JADE1: variants seen among roughly 807,000 people sequenced by gnomAD.
JADE1 encodes protein Jade-1.
Under a neutral mutation model 81.8 loss-of-function variants are expected in JADE1, and 14 were observed. The observed-to-expected ratio is 0.17, with a 90% confidence interval of 0.11 to 0.27. JADE1 has a LOEUF of 0.27. Ranked by LOEUF, JADE1 falls within the 10% of genes least tolerant of loss-of-function variation. JADE1 has a pLI of 1.00. For missense variants in JADE1, 690 were observed against 1,047.9 expected (o/e 0.66, Z 4.71); for synonymous variants, 353 against 391.9 (o/e 0.90, Z 1.17).
chr4:128,845,176 C>T (rs1729762264), intron 3 of JADE1, among the ~76,000 whole-genome samples: 1 of 152,212 alleles, frequency 6.6e-6, no homozygotes, highest in South Asian at 2.1e-4. Flanking sequence ...AGCTGTGCAG[C>T]CCTGGCTGGG....
intron 9 of JADE1, among the ~76,000 whole-genome samples, chr4:128,865,770 G>A (rs1339812560): frequency 6.6e-6 from 1 of 152,142 alleles, no homozygotes; most frequent in Non-Finnish European, 1.5e-5. Flanking sequence ...TAGCAGCCAT[G>A]GTGTGGTCAA....
In JADE1 at chr4:128,872,050, C is replaced by T. The variant is rs1385296757; in HGVS notation, c.2317C>T (p.His773Tyr). The T allele has an allele frequency of 8.1e-6, 13 of 1,613,940 alleles. No individual in the cohort carries two copies. The highest frequency in any genetic ancestry group is 1.1e-5 in the Non-Finnish European group (13 of 1,179,992). ...GGCCCACGATGGGGCCTGCCACCAG[C>T]ACTCAGACTACCCATATTTGGGCTT... is the stretch of plus-strand genomic sequence containing the variant. ...GEAHDGACHQHSDYPYLGLGR... is the reference protein window; with the variant it reads ...GEAHDGACHQYSDYPYLGLGR... The change falls in exon 11 of 11, where the codon CAC (histidine) becomes TAC (tyrosine). Residue 773 changes from histidine (H) to tyrosine (Y), a missense_variant. Physicochemically the swap from His to Tyr is moderately conservative, Grantham distance 83 (BLOSUM62 2). This residue lies in a region of JADE1 where 218 missense variants were observed against 274.3 expected (regional missense o/e 0.79). Coordinates refer to ENST00000226319, the MANE Select transcript of JADE1 (RefSeq NM_199320.4).
chr4:128,863,298 A>G (rs764842987), intron 9 of JADE1: 7 of 985,248 alleles, frequency 7.1e-6, no homozygotes, highest in Non-Finnish European at 8.4e-6. Context: ...TTCCACATCA[A>G]CTCCCCTGGC....
intron 9 of JADE1, chr4:128,862,437 GGTT>G: frequency 7.3e-7 from 1 of 1,366,030 alleles, no homozygotes; most frequent in Non-Finnish European, 9.4e-7. Flanking sequence ...GCTTCTTTGT[GGTT>G]TTTTTTTTTT....
intron 3 of JADE1, among the ~76,000 whole-genome samples, 199 bp downstream of exon 3, chr4:128,843,237 T>G (rs932851936): frequency 6.6e-6 from 1 of 152,256 alleles, no homozygotes; most frequent in Non-Finnish European, 1.5e-5. Context: ...TCACATAGAC[T>G]AATACATGCA....
intron 2 of JADE1, among the ~76,000 whole-genome samples, chr4:128,842,052 T>G (rs1297497880): frequency 6.6e-6 from 1 of 152,138 alleles, no homozygotes; most frequent in African/African-American, 2.4e-5. Context: ...CCAACTGGAA[T>G]TTTCATGGGA....
At chr4:128,822,633 C>T (rs1727687663) in intron 1 of JADE1, among the ~76,000 whole-genome samples, 2 of 151,806 alleles carry the variant, frequency 1.3e-5, no homozygotes, top group Non-Finnish European at 2.9e-5. Context: ...GCAGGAGAAT[C>T]GCTTGAACCT....
intron 1 of JADE1, among the ~76,000 whole-genome samples, chr4:128,813,905 G>C (rs1726741245): frequency 6.6e-6 from 1 of 152,076 alleles, no homozygotes; most frequent in African/African-American, 2.4e-5. Context: ...ATTTAGCAGA[G>C]ATAATGGGAG....
chr4:128,874,538 C>G lies in JADE1; in HGVS notation c.*2276C>G, dbSNP rs1021711355. ...AAAACCCACACAAAAACAAAACACA[C>G]AAAAATAAAAAGCCCACACTTTTTA... On this transcript the variant is annotated 3_prime_UTR_variant, in exon 11 of 11. Transcript: ENST00000226319. 4.0e-5 allele frequency: 6 copies of G among 151,824 alleles called. No individual in the cohort carries two copies. Among genetic ancestry groups the G allele is most frequent in the African/African-American group, 1.5e-4 (6 of 41,140 alleles). The allele number at this position is 151,824 out of a possible 1,614,324, so 9.4% of individuals were successfully genotyped here.
intron 2 of JADE1, among the ~76,000 whole-genome samples, chr4:128,833,699 A>C (rs1025954555): frequency 6.6e-5 from 10 of 152,330 alleles, no homozygotes; most frequent in Middle Eastern, 3.4e-3. Context: ...GTCTCGAAAA[A>C]AAATTCTTGC....
intron 9 of JADE1, among the ~76,000 whole-genome samples, chr4:128,866,724 A>G (rs1041752616): frequency 2.0e-5 from 3 of 152,200 alleles, no homozygotes; most frequent in Non-Finnish European, 4.4e-5. Context: ...GGATATTTTT[A>G]GGAAAGTGAA....
chr4:128,852,390 G>A, intron 6 of JADE1, 122 bp downstream of exon 6: 1 of 737,896 alleles, frequency 1.4e-6, no homozygotes. Flanking sequence ...ACGATTTAAA[G>A]AAATGTGCCC....
rs1732418870 is a variant in JADE1, at chr4:128,874,423, T to C, written c.*2161T>C. On this transcript the variant is annotated 3_prime_UTR_variant, in exon 11 of 11. Transcript: ENST00000226319. ...CAAAAATAATGCCTTACCTGTTTTTTCCCCACATTTAGGTTGAAAAGCTTT... is the reference window on the plus strand; with the variant it reads ...CAAAAATAATGCCTTACCTGTTTTTCCCCCACATTTAGGTTGAAAAGCTTT... 1 of 152,374 alleles carries C rather than the reference T, an allele frequency of 6.6e-6. No individual in the cohort carries two copies. Among genetic ancestry groups the C allele is most frequent in the South Asian group, 2.1e-4 (1 of 4,810 alleles). The allele number at this position is 152,374 out of a possible 1,614,324, so 9.4% of individuals were successfully genotyped here.
chr4:128,848,863 C>A, intron 4 of JADE1, 117 bp from the exon 5 acceptor site: 1 of 941,154 alleles, frequency 1.1e-6, no homozygotes, highest in Non-Finnish European at 1.7e-6. Flanking sequence ...TTTTCAGCCT[C>A]TGGTGATGAC....
At chr4:128,833,875 G>A (rs1728760218) in intron 2 of JADE1, among the ~76,000 whole-genome samples, 1 of 152,210 alleles carries the variant, frequency 6.6e-6, no homozygotes, top group Non-Finnish European at 1.5e-5. Context: ...CTTTGGGAGA[G>A]CTGTGTTAGA....
intron 1 of JADE1, among the ~76,000 whole-genome samples, chr4:128,831,169 C>A (rs61696721): frequency 0.024 from 3,636 of 152,232 alleles, 117 homozygotes; most frequent in African/African-American, 0.074. Context: ...TTCCTGTTCC[C>A]TCTGTGGGGT....
In JADE1 at chr4:128,874,595, C is replaced by T. The variant is rs947693874; in HGVS notation, c.*2333C>T. 27 of 152,502 alleles carry T rather than the reference C, an allele frequency of 1.8e-4. 2 individuals are homozygous for T. Among genetic ancestry groups the T allele is most frequent in the Admixed American group, 1.8e-3 (27 of 15,260 alleles). 9.4% of individuals were successfully genotyped at this position (152,502 alleles called of 1,614,324 possible). On this transcript the variant is annotated 3_prime_UTR_variant, in exon 11 of 11. Transcript: ENST00000226319. ...CTTCGAAATGCAAATGGATAGAGCACGGTTTCTCTGACAGTATAATGATAG... is the reference window on the plus strand; with the variant it reads ...CTTCGAAATGCAAATGGATAGAGCATGGTTTCTCTGACAGTATAATGATAG...
At chr4:128,822,441 A>G (rs1019511865) in intron 1 of JADE1, among the ~76,000 whole-genome samples, 4 of 152,112 alleles carry the variant, frequency 2.6e-5, no homozygotes, top group African/African-American at 7.2e-5. Flanking sequence ...GGCCAGGTGC[A>G]GTGGCTCATG....
intron 6 of JADE1, 91 bp downstream of exon 6, chr4:128,852,359 C>T: frequency 2.0e-6 from 2 of 978,634 alleles, no homozygotes; most frequent in Admixed American, 3.9e-5. Flanking sequence ...GATTCTTCCT[C>T]CGAATGGGGT....
Sources: allele counts gnomAD v4.1 joint callset (sites outside exome capture counted in the v4.1 genomes callset), GRCh38; gene constraint gnomAD v4.1.1; regional missense constraint gnomAD v4.1.1; transcripts MANE v1.5; gene names NCBI Gene and HGNC (gene_info 2026-07-23, HGNC 2026-07-21).